Variants in ITPR2 observed in about 807,000 individuals in gnomAD.
ITPR2 encodes the protein inositol 1,4,5-trisphosphate-gated calcium channel ITPR2.
A neutral mutation model predicts 317.1 loss-of-function variants in ITPR2; 207 were observed. That is an observed-to-expected ratio of 0.65 (90% CI 0.58 to 0.73). The LOEUF (loss-of-function observed/expected upper bound fraction) is 0.73. Ranked by LOEUF, ITPR2 falls within the 30% of genes least tolerant of loss-of-function variation. ITPR2 has a pLI of 0.00. For missense variants in ITPR2, 2,613 were observed against 3,284.0 expected (o/e 0.80, Z 4.99); for synonymous variants, 1,156 against 1,149.1 (o/e 1.01, Z -0.12).
At chr12:26,752,563 G>T (rs67059854) in intron 2 of ITPR2, among the ~76,000 whole-genome samples, 30,997 of 152,148 alleles carry the variant, frequency 0.2, 3,806 homozygotes, top group Non-Finnish European at 0.28. Flanking sequence ...CTAAAAAGGG[G>T]AGGCATGAAT....
intron 28 of ITPR2, among the ~76,000 whole-genome samples, 165 bp downstream of exon 28, chr12:26,602,205 C>T (rs1591949800): frequency 6.6e-6 from 1 of 152,008 alleles, no homozygotes; most frequent in East Asian, 1.9e-4. Flanking sequence ...GTAGTGTACC[C>T]TTGTTTGTAG....
chr12:26,734,932 G>T (rs1438313175), intron 2 of ITPR2, among the ~76,000 whole-genome samples: 1 of 151,114 alleles, frequency 6.6e-6, no homozygotes, highest in Non-Finnish European at 1.5e-5. Context: ...GATAATTTAG[G>T]AGTCAATGGA....
intron 49 of ITPR2, among the ~76,000 whole-genome samples, chr12:26,423,389 G>A (rs1018747945): frequency 1.3e-5 from 2 of 152,154 alleles, no homozygotes; most frequent in South Asian, 2.1e-4. Flanking sequence ...GTGGCTCATT[G>A]TTAGTAGACT....
intron 26 of ITPR2, among the ~76,000 whole-genome samples, chr12:26,618,568 A>C (rs1373756211): frequency 6.6e-6 from 1 of 152,228 alleles, no homozygotes. Flanking sequence ...AGCTAGAAGA[A>C]CACTCATACA....
chr12:26,614,296 A>G (rs970629413), intron 26 of ITPR2, among the ~76,000 whole-genome samples: 2 of 152,016 alleles, frequency 1.3e-5, no homozygotes, highest in Non-Finnish European at 2.9e-5. Flanking sequence ...TAGATCTGCA[A>G]CCCAAAGACT....
chr12:26,669,615 A>C (rs570374595), intron 13 of ITPR2, among the ~76,000 whole-genome samples: 88 of 152,236 alleles, frequency 5.8e-4, no homozygotes, highest in Middle Eastern at 3.2e-3. Flanking sequence ...TCCCAGCGTG[A>C]GTGAAGCAGA....
chr12:26,446,825 T>C (rs1390284033), intron 45 of ITPR2, among the ~76,000 whole-genome samples: 2 of 151,410 alleles, frequency 1.3e-5, no homozygotes, highest in Non-Finnish European at 2.9e-5. Context: ...AAGCCATCTA[T>C]ACATATCTTT....
At chr12:26,563,700 T>A (rs564298131) in intron 34 of ITPR2, among the ~76,000 whole-genome samples, 1 of 152,192 alleles carries the variant, frequency 6.6e-6, no homozygotes, top group African/African-American at 2.4e-5. Context: ...TACACACACA[T>A]GCACATATGC....
chr12:26,518,910 A>C (rs190502977), intron 37 of ITPR2, among the ~76,000 whole-genome samples: 2 of 152,258 alleles, frequency 1.3e-5, no homozygotes, highest in African/African-American at 4.8e-5. Context: ...AAGATTTTTC[A>C]ACTACACGTA....
intron 10 of ITPR2, among the ~76,000 whole-genome samples, chr12:26,687,066 G>T (rs1353571828): frequency 6.6e-6 from 1 of 152,144 alleles, no homozygotes; most frequent in Non-Finnish European, 1.5e-5. Context: ...AATAATACTT[G>T]GAGAGGAGCA....
At chr12:26,695,462 A>G (rs1048555121) in intron 10 of ITPR2, 144 bp downstream of exon 10, 5 of 643,016 alleles carry the variant, frequency 7.8e-6, no homozygotes, top group Non-Finnish European at 1.1e-5. Context: ...AAGCCATATC[A>G]TCTTTTACCT....
At chr12:26,469,901 A>G (rs1191442630) in intron 45 of ITPR2, among the ~76,000 whole-genome samples, 2 of 152,166 alleles carry the variant, frequency 1.3e-5, no homozygotes, top group South Asian at 2.1e-4. Flanking sequence ...AAGTTAGGAG[A>G]TTCCACATTT....
intron 34 of ITPR2, among the ~76,000 whole-genome samples, chr12:26,569,488 G>A (rs769780289): frequency 1.5e-4 from 22 of 151,348 alleles, no homozygotes; most frequent in Non-Finnish European, 2.9e-4. Flanking sequence ...CAGGGGAGTC[G>A]GGGCTGTAGC....
intron 1 of ITPR2, among the ~76,000 whole-genome samples, chr12:26,807,220 T>C (rs1950654682): frequency 6.7e-6 from 1 of 150,128 alleles, no homozygotes; most frequent in Non-Finnish European, 1.5e-5. Flanking sequence ...ATATATATAT[T>C]CATTGTTCGA....
At chr12:26,579,835 T>A (rs916704320) in intron 33 of ITPR2, among the ~76,000 whole-genome samples, 192 bp downstream of exon 33, 1 of 152,050 alleles carries the variant, frequency 6.6e-6, no homozygotes, top group Non-Finnish European at 1.5e-5. Context: ...GGAAAAATAA[T>A]TCAATTTAAA....
At chr12:26,796,268 CAAT>C (rs1950441646) in intron 1 of ITPR2, among the ~76,000 whole-genome samples, 1 of 152,020 alleles carries the variant, frequency 6.6e-6, no homozygotes, top group East Asian at 1.9e-4. Context: ...GTCTATGAAT[CAAT>C]AAGAAAAAGA....
At chr12:26,649,132 C>T (rs1947182838) in intron 21 of ITPR2, 1 of 151,834 alleles carries the variant, frequency 6.6e-6, no homozygotes, top group African/African-American at 2.4e-5. Flanking sequence ...CAAAGAACTC[C>T]CACATAGACT....
chr12:26,422,793 T>C (rs1465494533), intron 49 of ITPR2, among the ~76,000 whole-genome samples: 1 of 152,124 alleles, frequency 6.6e-6, no homozygotes, highest in Admixed American at 6.5e-5. Context: ...ATAAATTGTA[T>C]AAAGAAAAAA....
chr12:26,659,683 T>C (rs1020821645), intron 15 of ITPR2, among the ~76,000 whole-genome samples: 4 of 152,228 alleles, frequency 2.6e-5, no homozygotes, highest in African/African-American at 9.6e-5. Context: ...ACAATAACTT[T>C]GGATTTCATC....
Sources: allele counts gnomAD v4.1 joint callset (sites outside exome capture counted in the v4.1 genomes callset), GRCh38; gene constraint gnomAD v4.1.1; transcripts MANE v1.5; gene names NCBI Gene and HGNC (gene_info 2026-07-23, HGNC 2026-07-21).